The following CNTLN variants were observed in gnomAD, a reference collection of about 807,000 sequenced individuals.
The protein encoded by CNTLN is centlein, centrosomal protein.
Under a neutral mutation model 180.0 loss-of-function variants are expected in CNTLN, and 212 were observed. That is an observed-to-expected ratio of 1.18 (90% CI 1.05 to 1.32). The LOEUF is 1.32. Among genes scored for constraint, CNTLN ranks in the 40% most tolerant of loss-of-function variants. CNTLN has a pLI of 0.00. For missense variants in CNTLN, 2,095 were observed against 1,610.9 expected, an observed-to-expected ratio of 1.30 and a Z score of -5.14; for synonymous variants, 722 against 563.1, an observed-to-expected ratio of 1.28 and a Z score of -3.99.
At position 17,323,473 on chromosome 9, in the gene CNTLN, A is replaced by G. The variant is rs1363352600; in HGVS notation, c.1342-7159A>G. ...ACGAGCTTCAGGGAGTAGAAGCACA[A>G]GCTCCTCCATATGTTCTTGCTGCAT... is the stretch of plus-strand genomic sequence containing the variant. On this transcript the variant is annotated intron_variant, in intron 8 of 25. Transcript: ENST00000380647. 2.6e-5 allele frequency among the ~76,000 whole-genome samples: 4 copies of G among 152,200 alleles called. No individual in the cohort carries two copies. In the East Asian group the frequency reaches 5.8e-4, roughly 22 times the overall value.
intron 18 of CNTLN, among the ~76,000 whole-genome samples, chr9:17,451,214 G>A (rs1830760009): frequency 6.6e-6 from 1 of 152,086 alleles, no homozygotes; most frequent in Admixed American, 6.5e-5. Context: ...GTTCTTGCCT[G>A]TAGAATTTAC....
rs1335556059 is a variant in CNTLN at position 17,395,057 on chromosome 9, T to C, written c.2603T>C (p.Val868Ala). Residue 868 changes from valine (V) to alanine (A), a missense_variant, in exon 15 of 26, where the codon GTG becomes GCG. Coordinates refer to ENST00000380647, the MANE Select transcript of CNTLN (RefSeq NM_017738.4). ...CTCAGCAAGGACGGCTGGGAGGATG[T>C]GAGTGAAAGCAGGTAAGGCTCTCAT... Reference protein sequence around the residue: ...ENLSKDGWEDVSESSSDSEAQ... With the variant: ...ENLSKDGWEDASESSSDSEAQ... 6.2e-7 allele frequency: 1 copy of C among 1,607,248 alleles called. No homozygotes were observed. The highest frequency in any genetic ancestry group is 1.3e-5 in the African/African-American group (1 of 74,776).
chr9:17,188,309 C>A (rs562330436), intron 2 of CNTLN, among the ~76,000 whole-genome samples: 5 of 152,014 alleles, frequency 3.3e-5, no homozygotes, highest in African/African-American at 1.2e-4. Flanking sequence ...TGAAGATTAG[C>A]CCAGTTCTAC....
intron 7 of CNTLN, among the ~76,000 whole-genome samples, chr9:17,305,336 CA>C (rs567119621): frequency 6.6e-6 from 1 of 151,810 alleles, no homozygotes; most frequent in Non-Finnish European, 1.5e-5. Context: ...CAGAATCTTA[CA>C]AAAAAATTCT....
At chr9:17,491,143 A>C (rs989350202) in intron 25 of CNTLN, among the ~76,000 whole-genome samples, 1 of 152,218 alleles carries the variant, frequency 6.6e-6, no homozygotes, top group East Asian at 1.9e-4. Flanking sequence ...TATGATACCC[A>C]AAACAGTCCT....
At chr9:17,464,475 T>A (rs1588056059) in intron 20 of CNTLN, 22 bp from the exon 21 acceptor site, 1 of 1,535,896 alleles carries the variant, frequency 6.5e-7, no homozygotes, top group South Asian at 1.3e-5. Flanking sequence ...TCACTCTTGA[T>A]GTCACCTTTT....
intron 18 of CNTLN, among the ~76,000 whole-genome samples, chr9:17,440,724 G>A (rs1483358765): frequency 6.6e-6 from 1 of 152,090 alleles, no homozygotes; most frequent in Non-Finnish European, 1.5e-5. Context: ...AAAAAACTGT[G>A]GTGTATCCAT....
chr9:17,210,180 A>C (rs1041927574), intron 2 of CNTLN, among the ~76,000 whole-genome samples: 1 of 152,170 alleles, frequency 6.6e-6, no homozygotes, highest in African/African-American at 2.4e-5. Flanking sequence ...CGTCATTTAC[A>C]TTAGGTATAT....
chr9:17,231,372 A>G (rs1268219463), intron 3 of CNTLN, among the ~76,000 whole-genome samples: 1 of 152,110 alleles, frequency 6.6e-6, no homozygotes, highest in Non-Finnish European at 1.5e-5. Flanking sequence ...CTGTTTGCAG[A>G]AAAACTTTCC....
intron 5 of CNTLN, among the ~76,000 whole-genome samples, chr9:17,239,287 G>T (rs1397771905): frequency 1.3e-5 from 2 of 152,128 alleles, no homozygotes; most frequent in Non-Finnish European, 2.9e-5. Flanking sequence ...TTTTCCTGAT[G>T]GGAAATGACG....
intron 2 of CNTLN, among the ~76,000 whole-genome samples, chr9:17,145,231 A>G (rs1197028705): frequency 6.6e-6 from 1 of 152,200 alleles, no homozygotes; most frequent in South Asian, 2.1e-4. Context: ...ATAAAGTTTA[A>G]AATAACATTT....
rs561106992 is a variant in CNTLN at position 17,432,915 on chromosome 9, G to A, written c.3114+16726G>A. Among the ~76,000 whole-genome samples the A allele has an allele frequency of 5.3e-5, 8 of 151,754 alleles. No homozygotes were observed. In the East Asian group the frequency reaches 1.6e-3, roughly 30 times the overall value. ...ATGTGCCTGTAATCCTAGCTACTCAGGAGGCTGAGGCAGGAGAATAGCTTG... is the reference window on the plus strand; with the variant it reads ...ATGTGCCTGTAATCCTAGCTACTCAAGAGGCTGAGGCAGGAGAATAGCTTG... On this transcript the variant is annotated intron_variant, in intron 18 of 25. Transcript: ENST00000380647.
Position 17,416,061 on chromosome 9 carries a change from A to G in CNTLN, c.2986A>G (p.Ser996Gly), listed in dbSNP as rs201769359. The G allele has an allele frequency of 8.1e-6, 13 of 1,613,656 alleles. No individual in the cohort carries two copies. The highest frequency in any genetic ancestry group is 5.3e-5 in the African/African-American group (4 of 75,040). ...GATTATATCCTTGCAACAACAAAAC[A>G]GTGTACTTCAGAATGCCAAGAAAAC... The part of the protein sequence containing the change: ...ERIISLQQQN[S>G]VLQNAKKTAE... Residue 996 changes from serine to glycine, a missense_variant, in exon 18 of 26, where the codon AGT becomes GGT. Physicochemically the swap from Ser to Gly is moderately conservative, Grantham distance 56 (BLOSUM62 0). Coordinates refer to ENST00000380647, the MANE Select transcript of CNTLN (RefSeq NM_017738.4).
chr9:17,421,337 C>G (rs981626700), intron 18 of CNTLN, among the ~76,000 whole-genome samples: 11 of 152,006 alleles, frequency 7.2e-5, no homozygotes, highest in African/African-American at 2.7e-4. Context: ...TTCTTTCTCT[C>G]TTTATATTTT....
At chr9:17,141,598 A>G (rs2774621) in intron 1 of CNTLN, among the ~76,000 whole-genome samples, 28,422 of 151,970 alleles carry the variant, frequency 0.19, 2,733 homozygotes, top group South Asian at 0.29. Flanking sequence ...TTCCTAATTT[A>G]ATGGAAACTC....
At chr9:17,366,861 C>T (rs1440007151) in intron 13 of CNTLN, 144 bp downstream of exon 13, 3 of 531,834 alleles carry the variant, frequency 5.6e-6, no homozygotes, top group Non-Finnish European at 1.0e-5. Context: ...CTAACATTTT[C>T]ATCCTGAGAA....
At chr9:17,322,008 T>C (rs1300018168) in intron 8 of CNTLN, among the ~76,000 whole-genome samples, 3 of 152,174 alleles carry the variant, frequency 2.0e-5, no homozygotes, top group Admixed American at 2.0e-4. Context: ...GTTTCGAGTT[T>C]ATATGTGTAA....
At chr9:17,494,823 C>G in intron 25 of CNTLN, 1 of 387,246 alleles carries the variant, frequency 2.6e-6, no homozygotes, top group Non-Finnish European at 5.0e-6. Flanking sequence ...GCACATAATA[C>G]TCAATAATGA....
At chr9:17,311,289 T>C (rs867940540) in intron 8 of CNTLN, among the ~76,000 whole-genome samples, 50 of 152,052 alleles carry the variant, frequency 3.3e-4, no homozygotes, top group African/African-American at 1.1e-3. Context: ...CCTTCCAAAG[T>C]GCTGGGATTA....
Sources: gnomAD v4.1 joint callset for allele counts (sites outside exome capture counted in the v4.1 genomes callset) on GRCh38, gnomAD v4.1.1 for gene constraint, MANE v1.5 for transcripts, NCBI Gene and HGNC (gene_info 2026-07-23, HGNC 2026-07-21) for gene names.